Variants in STK24 observed in about 807,000 individuals in gnomAD.
The protein encoded by STK24 is serine/threonine kinase 24, also known as serine/threonine-protein kinase 24.
Under a neutral mutation model 55.6 loss-of-function variants are expected in STK24, and 21 were observed. The observed-to-expected ratio is 0.38, with a 90% CI of 0.27 to 0.54. STK24 has a LOEUF of 0.54. Among genes scored for constraint, STK24 ranks in the 20% least tolerant of loss-of-function variants. The pLI, the probability that STK24 is intolerant of heterozygous loss-of-function variation, is 0.79. For synonymous variants in STK24, 200 were observed against 215.2 expected (o/e 0.93, Z 0.62); for missense variants, 383 against 538.4 (o/e 0.71, Z 2.86).
At position 98,471,952 on chromosome 13, in the gene STK24, C is replaced by G. The variant is rs543293060; in HGVS notation, c.597+2869G>C. ...CACAGACTAGGAGGGGAAATGTCTA[C>G]AAGTCATGCAAGAGAGAATGGAGGG... On this transcript the variant is annotated intron_variant, in intron 5 of 10. Transcript: ENST00000539966. Among the ~76,000 whole-genome samples, 188 of 152,286 alleles carry G rather than the reference C, an allele frequency of 1.2e-3. 3 individuals carry two copies. In the South Asian group the frequency reaches 0.016, roughly 13 times the overall value.
chr13:98,445,885 A>G lies in STK24; in HGVS notation c.*7288T>C. On this transcript the variant is annotated 3_prime_UTR_variant, in exon 11 of 11. Coordinates refer to ENST00000539966, the MANE Select transcript of STK24 (RefSeq NM_001032296.4). Reference sequence around the variant, plus strand: ...TCTTTTGGGGGGACACAGGGACCCCAAGATGCCCCACAGCAAGTGACAAGG... The same window carrying G: ...TCTTTTGGGGGGACACAGGGACCCCGAGATGCCCCACAGCAAGTGACAAGG... 1 of 520,266 alleles carries G rather than the reference A, an allele frequency of 1.9e-6. No individual in the cohort carries two copies. Among genetic ancestry groups the G allele is most frequent in the Non-Finnish European group, 3.4e-6 (1 of 290,334 alleles). The allele number at this position is 520,266 out of a possible 1,614,324, so 32.2% of individuals were successfully genotyped here.
At chr13:98,476,551 G>A (rs1894384740) in intron 3 of STK24, among the ~76,000 whole-genome samples, 1 of 152,326 alleles carries the variant, frequency 6.6e-6, no homozygotes, top group Non-Finnish European at 1.5e-5. Context: ...AAACTAGGGC[G>A]CTCCTCCACA....
rs138466004 is a variant in STK24, at chr13:98,540,852, G to C, written c.43-21379C>G. On this transcript the variant is annotated intron_variant, in intron 1 of 10. Transcript: ENST00000539966. ...AAGAGTTTTGCCTAGGCCTTTCCTG[G>C]GCCTTAAAGCATGACAAAATAACCA... is the stretch of plus-strand genomic sequence containing the variant. 1.0e-2 allele frequency among the ~76,000 whole-genome samples: 1,503 copies of C among 150,418 alleles called. 13 individuals carry two copies. Among genetic ancestry groups the C allele is most frequent in the Non-Finnish European group, 0.017 (1,134 of 67,766 alleles).
At chr13:98,468,726 G>A (rs1450570784) in intron 5 of STK24, among the ~76,000 whole-genome samples, 7 of 152,184 alleles carry the variant, frequency 4.6e-5, no homozygotes, top group Admixed American at 1.3e-4. Flanking sequence ...ATTTGTAAGG[G>A]TACATAATAG....
intron 1 of STK24, among the ~76,000 whole-genome samples, chr13:98,574,949 C>T (rs1043401382): frequency 6.6e-6 from 1 of 152,010 alleles, no homozygotes; most frequent in African/African-American, 2.4e-5. Flanking sequence ...GGCTTTAGTA[C>T]CTTTTCAAAC....
chr13:98,544,919 G>A (rs1157035348), intron 1 of STK24, among the ~76,000 whole-genome samples: 1 of 152,058 alleles, frequency 6.6e-6, no homozygotes, highest in East Asian at 1.9e-4. Context: ...TGACAAAAAA[G>A]CATATCATCT....
chr13:98,502,314 T>C (rs1280475056), intron 2 of STK24, among the ~76,000 whole-genome samples: 7 of 152,092 alleles, frequency 4.6e-5, no homozygotes, highest in Non-Finnish European at 1.0e-4. Flanking sequence ...ATCAATGAGT[T>C]GATAAAAGAT....
Position 98,450,343 on chromosome 13 carries a change from T to C in STK24, c.*2830A>G, listed in dbSNP as rs918954690. On this transcript the variant is annotated 3_prime_UTR_variant, in exon 11 of 11. Transcript: ENST00000539966. ...TTTTAAAGGAGGGAAATATAAAAAA[T>C]GTTTATAAACTGACAGTGTTTTGCC... The C allele has an allele frequency of 6.6e-6, 1 of 152,170 alleles. No homozygotes were observed. Among genetic ancestry groups the C allele is most frequent in the African/African-American group, 2.4e-5 (1 of 41,438 alleles). 9.4% of individuals were successfully genotyped at this position (152,170 alleles called of 1,614,324 possible). A position where few individuals can be genotyped will look rare whatever the true frequency, so the allele number is the denominator to read the frequency against.
chr13:98,485,991 G>C (rs537529065), intron 2 of STK24, among the ~76,000 whole-genome samples: 1 of 152,156 alleles, frequency 6.6e-6, no homozygotes. Flanking sequence ...GGAGGAAGCG[G>C]AAGAGGAGCA....
At position 98,565,130 on chromosome 13, in the gene STK24, G is replaced by A. The variant is rs1041476089; in HGVS notation, c.42+11615C>T. ...CTACTGTGTGCTTCACTAGAGTGGGGAGCAATGAGGATTCAGGATTCTTTT... is the reference window on the plus strand; with the variant it reads ...CTACTGTGTGCTTCACTAGAGTGGGAAGCAATGAGGATTCAGGATTCTTTT... On this transcript the variant is annotated intron_variant, in intron 1 of 10. Transcript: ENST00000539966. 6.6e-5 allele frequency among the ~76,000 whole-genome samples: 10 copies of A among 152,280 alleles called. 1 individual carries two copies. Among genetic ancestry groups the A allele is most frequent in the Admixed American group, 6.5e-4 (10 of 15,300 alleles).
chr13:98,540,934 A>C (rs950188461), intron 1 of STK24, among the ~76,000 whole-genome samples: 1 of 152,126 alleles, frequency 6.6e-6, no homozygotes, highest in African/African-American at 2.4e-5. Flanking sequence ...GAGTCTGAAG[A>C]AGCTCCCCAG....
intron 1 of STK24, among the ~76,000 whole-genome samples, chr13:98,525,883 A>G (rs1191773252): frequency 1.3e-5 from 2 of 152,252 alleles, no homozygotes; most frequent in Non-Finnish European, 2.9e-5. Flanking sequence ...AAGGCACTCG[A>G]ATACTGATTT....
intron 2 of STK24, among the ~76,000 whole-genome samples, chr13:98,516,089 C>G (rs1428786016): frequency 6.6e-6 from 1 of 152,208 alleles, no homozygotes. Context: ...GGAGGGTCCC[C>G]TTCTGGGCCA....
At position 98,482,471 on chromosome 13, in the gene STK24, G is replaced by A. The variant is rs181204633; in HGVS notation, c.274-150C>T. The A allele has an allele frequency of 5.3e-4, 288 of 541,458 alleles. 1 individual carries two copies. The highest frequency in any genetic ancestry group is 5.0e-3 in the African/African-American group (259 of 51,370). 33.5% of individuals were successfully genotyped at this position (541,458 alleles called of 1,614,324 possible). A position where few individuals can be genotyped will look rare whatever the true frequency, so the allele number is the denominator to read the frequency against. The stretch of plus-strand genomic sequence containing the variant: ...CGGGAAGTGTGTCAAAGTGAGAGCT[G>A]TGCAGGGACCTCCAGAGTGCAGGGA... On this transcript the variant is annotated intron_variant, in intron 2 of 10. Coordinates refer to ENST00000539966, the MANE Select transcript of STK24 (RefSeq NM_001032296.4).
At chr13:98,500,489 G>T (rs1326625980) in intron 2 of STK24, among the ~76,000 whole-genome samples, 1 of 152,154 alleles carries the variant, frequency 6.6e-6, no homozygotes, top group Admixed American at 6.5e-5. Context: ...AGTCCCAAAA[G>T]CTCTGAGAAT....
chr13:98,468,667 T>G (rs1894012612), intron 5 of STK24, among the ~76,000 whole-genome samples: 1 of 152,244 alleles, frequency 6.6e-6, no homozygotes, highest in Admixed American at 6.5e-5. Flanking sequence ...CAGCTACTGC[T>G]GTTTTCAAAG....
At chr13:98,517,663 G>A (rs1414739117) in intron 2 of STK24, among the ~76,000 whole-genome samples, 2 of 152,028 alleles carry the variant, frequency 1.3e-5, no homozygotes, top group Non-Finnish European at 2.9e-5. Flanking sequence ...CAAGATGCTG[G>A]CATTCCCCCA....
intron 1 of STK24, among the ~76,000 whole-genome samples, chr13:98,520,236 T>G (rs1330858075): frequency 6.6e-6 from 1 of 152,192 alleles, no homozygotes; most frequent in Non-Finnish European, 1.5e-5. Context: ...CAGGGCCTGT[T>G]TGTCAGGAAA....
In STK24 at chr13:98,452,874, TG is replaced by T. The variant is rs1460617433; in HGVS notation, c.*298del. 1 of 316,730 alleles carries T rather than the reference TG, an allele frequency of 3.2e-6. No homozygotes were observed. The highest frequency in any genetic ancestry group is 5.8e-6 in the Non-Finnish European group (1 of 173,554). The allele number at this position is 316,730 out of a possible 1,614,324, so 19.6% of individuals were successfully genotyped here. A position where few individuals can be genotyped will look rare whatever the true frequency, so the allele number is the denominator to read the frequency against. On this transcript the variant is annotated 3_prime_UTR_variant, in exon 11 of 11. Transcript: ENST00000539966. ...AAATATACATTTCAGGGTTTGTTTT[TG>T]TTTTTAAAGACACTTTCCTGGAATA...
Sources: allele counts gnomAD v4.1 joint callset (sites outside exome capture counted in the v4.1 genomes callset), GRCh38; gene constraint gnomAD v4.1.1; transcripts MANE v1.5; gene names NCBI Gene and HGNC (gene_info 2026-07-23, HGNC 2026-07-21).